Variants in CCDC91 observed in about 807,000 individuals in gnomAD.
CCDC91 encodes coiled-coil domain-containing protein 91.
In CCDC91, 48 loss-of-function variants were observed where a neutral mutation model predicts 63.2. The ratio of observed to expected loss-of-function variants is 0.76; its 90% CI spans 0.60 to 0.97. CCDC91 has a LOEUF of 0.97. CCDC91 is among the 50% of genes least tolerant of loss of function. The probability of loss-of-function intolerance (pLI) is 0.00; values close to 1 mark genes in which losing one functional copy is unlikely to be tolerated. For synonymous variants in CCDC91, 167 were observed against 165.8 expected (o/e 1.01, Z -0.06); for missense variants, 500 against 494.6 (o/e 1.01, Z -0.10).
At chr12:28,506,126 A>G (rs186396454) in intron 12 of CCDC91, among the ~76,000 whole-genome samples, 34 of 152,170 alleles carry the variant, frequency 2.2e-4, no homozygotes, top group African/African-American at 7.7e-4. Context: ...CTCTGTATCT[A>G]TAGGGTCCTT....
At chr12:28,518,187 T>C (rs1940168829) in intron 12 of CCDC91, among the ~76,000 whole-genome samples, 1 of 152,018 alleles carries the variant, frequency 6.6e-6, no homozygotes, top group Non-Finnish European at 1.5e-5. Context: ...AGTTGTACTT[T>C]TAGTTCTTTA....
rs144916305 is a variant in CCDC91 at position 28,330,596 on chromosome 12, G to A, written c.576+22847G>A. Among the ~76,000 whole-genome samples, 654 of 151,992 alleles carry A rather than the reference G, an allele frequency of 4.3e-3. 12 individuals are homozygous for A. In the South Asian group the frequency reaches 0.073, roughly 17 times the overall value. On this transcript the variant is annotated intron_variant, in intron 6 of 12. Transcript: ENST00000536442. The stretch of plus-strand genomic sequence containing the variant: ...CACTCTGATGGTAGTTTCTTTTGCC[G>A]TGCAGAAGCTCTTTAGTTTAATTAG...
chr12:28,532,922 T>C (rs1045116896), intron 12 of CCDC91, among the ~76,000 whole-genome samples: 4 of 152,126 alleles, frequency 2.6e-5, no homozygotes, highest in African/African-American at 9.6e-5. Context: ...TCATTGGCTA[T>C]TGGTCCATGA....
chr12:28,262,107 C>T lies in CCDC91; in HGVS notation c.109+2665C>T, dbSNP rs534746512. ...AGGTGAGTGTGATGTGAACAGCTTA[C>T]GTAGCTAACAATGTAATCATTTCCA... On this transcript the variant is annotated intron_variant, in intron 3 of 12. Coordinates refer to ENST00000536442, the MANE Select transcript of CCDC91 (RefSeq NM_018318.5). Among the ~76,000 whole-genome samples, 15 of 152,036 alleles carry T rather than the reference C, an allele frequency of 9.9e-5. No homozygotes were observed. In the East Asian group the frequency reaches 1.5e-3, roughly 16 times the overall value.
At chr12:28,378,057 A>C (rs1436611254) in intron 7 of CCDC91, among the ~76,000 whole-genome samples, 1 of 151,986 alleles carries the variant, frequency 6.6e-6, no homozygotes, top group African/African-American at 2.4e-5. Context: ...GGTACAATGA[A>C]GTTTTAACTT....
intron 6 of CCDC91, among the ~76,000 whole-genome samples, chr12:28,315,033 G>C (rs542175986): frequency 1.3e-5 from 2 of 151,846 alleles, no homozygotes; most frequent in African/African-American, 4.8e-5. Context: ...GCCATAATAA[G>C]CATTTACATT....
chr12:28,363,064 T>G (rs1944009085), intron 7 of CCDC91, among the ~76,000 whole-genome samples: 2 of 152,160 alleles, frequency 1.3e-5, no homozygotes, highest in Admixed American at 1.3e-4. Flanking sequence ...GTCAAATTTT[T>G]ATTTCCCTTT....
At chr12:28,255,506 A>G (rs1004046404) in intron 1 of CCDC91, 11 of 152,180 alleles carry the variant, frequency 7.2e-5, no homozygotes, top group African/African-American at 2.4e-4. Flanking sequence ...TTCACTTGCA[A>G]CACAGAATAA....
intron 4 of CCDC91, among the ~76,000 whole-genome samples, chr12:28,306,510 A>AATGAATAC (rs1938748960): frequency 6.6e-6 from 1 of 152,120 alleles, no homozygotes; most frequent in Non-Finnish European, 1.5e-5. Context: ...GTAGCAAAAT[A>AATGAATAC]ATGAATACTT....
intron 12 of CCDC91, among the ~76,000 whole-genome samples, chr12:28,512,265 C>T (rs1939455720): frequency 6.6e-6 from 1 of 151,854 alleles, no homozygotes; most frequent in Admixed American, 6.6e-5. Flanking sequence ...ATTACTTTTT[C>T]ATCAGTTTTT....
chr12:28,320,326 C>G (rs866047719), intron 6 of CCDC91, among the ~76,000 whole-genome samples: 1 of 151,834 alleles, frequency 6.6e-6, no homozygotes. Context: ...TCCCAGAGTG[C>G]ACACAGACTT....
At chr12:28,257,094 T>G (rs147677606) in intron 1 of CCDC91, 108 bp from the exon 2 acceptor site, 1 of 640,632 alleles carries the variant, frequency 1.6e-6, no homozygotes, top group East Asian at 3.0e-5. Context: ...GCATAGACAG[T>G]TAGAAATTCT....
At chr12:28,392,593 C>T (rs1946019573) in intron 8 of CCDC91, among the ~76,000 whole-genome samples, 1 of 152,144 alleles carries the variant, frequency 6.6e-6, no homozygotes. Context: ...AGAGTGAGAG[C>T]CTACTATGAA....
At chr12:28,437,645 G>A (rs1948979598) in intron 8 of CCDC91, among the ~76,000 whole-genome samples, 1 of 152,044 alleles carries the variant, frequency 6.6e-6, no homozygotes, top group South Asian at 2.1e-4. Context: ...AGCTAAGGAT[G>A]ACAATTCATA....
chr12:28,527,456 A>C (rs545252528), intron 12 of CCDC91, among the ~76,000 whole-genome samples: 2 of 152,324 alleles, frequency 1.3e-5, no homozygotes, highest in South Asian at 4.1e-4. Context: ...GATGTGAACC[A>C]TCTTTGGGTC....
chr12:28,426,880 A>G (rs1304177752), intron 8 of CCDC91, among the ~76,000 whole-genome samples: 1 of 152,190 alleles, frequency 6.6e-6, no homozygotes, highest in Non-Finnish European at 1.5e-5. Flanking sequence ...GATGTACTAT[A>G]TAATAGCAAC....
At chr12:28,252,608 T>G (rs992830809) in intron 1 of CCDC91, among the ~76,000 whole-genome samples, 2 of 152,138 alleles carry the variant, frequency 1.3e-5, no homozygotes, top group Non-Finnish European at 2.9e-5. Flanking sequence ...CCCCTGAAAT[T>G]AGGGCATCCT....
At chr12:28,293,300 T>C (rs1422325396) in intron 3 of CCDC91, among the ~76,000 whole-genome samples, 2 of 152,196 alleles carry the variant, frequency 1.3e-5, no homozygotes, top group African/African-American at 4.8e-5. Context: ...AAGCTTTATA[T>C]TGAAGGTTCA....
intron 12 of CCDC91, among the ~76,000 whole-genome samples, chr12:28,509,524 A>C (rs1939132662): frequency 6.6e-6 from 1 of 151,888 alleles, no homozygotes; most frequent in Non-Finnish European, 1.5e-5. Context: ...CAACAGTTTA[A>C]TAGAGCTTAT....
Sources: gnomAD v4.1 joint callset for allele counts (sites outside exome capture counted in the v4.1 genomes callset) on GRCh38, gnomAD v4.1.1 for gene constraint, MANE v1.5 for transcripts, NCBI Gene and HGNC (gene_info 2026-07-23, HGNC 2026-07-21) for gene names.